PDZRN4: variants seen among roughly 807,000 people sequenced by gnomAD.
PDZRN4 encodes the protein PDZ domain containing ring finger 4.
In PDZRN4, 70 loss-of-function variants were observed where a neutral mutation model predicts 99.0. The ratio of observed to expected loss-of-function variants is 0.71; its 90% CI spans 0.58 to 0.86. The LOEUF is 0.86. Among genes scored for constraint, PDZRN4 ranks in the 40% least tolerant of loss-of-function variants. The pLI is 0.00. For missense variants in PDZRN4, 1,474 were observed against 1,331.2 expected, an observed-to-expected ratio of 1.11 and a Z score of -1.67; for synonymous variants, 551 against 501.6, an observed-to-expected ratio of 1.10 and a Z score of -1.32.
At chr12:41,516,751 G>A (rs1031499175) in intron 5 of PDZRN4, among the ~76,000 whole-genome samples, 1 of 151,312 alleles carries the variant, frequency 6.6e-6, no homozygotes, top group Non-Finnish European at 1.5e-5. Context: ...CTTGATGTAT[G>A]GCTCATTATG....
At chr12:41,428,542 G>C (rs538776232) in intron 3 of PDZRN4, among the ~76,000 whole-genome samples, 118 of 152,306 alleles carry the variant, frequency 7.7e-4, no homozygotes, top group Non-Finnish European at 1.5e-3. Flanking sequence ...AAAAGACAGA[G>C]TCATGTTAGC....
At chr12:41,438,337 C>T (rs746752577) in intron 3 of PDZRN4, among the ~76,000 whole-genome samples, 3 of 152,268 alleles carry the variant, frequency 2.0e-5, no homozygotes, top group Non-Finnish European at 2.9e-5. Context: ...ATACTGTTGA[C>T]ATTTGAAAAT....
In PDZRN4 at chr12:41,266,334, AAT is replaced by A. The variant is rs1435966548; in HGVS notation, c.843+72147_843+72148del. Among the ~76,000 whole-genome samples the A allele has an allele frequency of 8.0e-5, 12 of 150,520 alleles. 2 individuals carry two copies. The highest frequency in any genetic ancestry group is 2.9e-4 in the African/African-American group (12 of 40,778). ...TCAAAAAAAAAAAAAAAAAAAAAAA[AAT>A]GAGATATTAAAATCAATAAGTTAAT... On this transcript the variant is annotated intron_variant, in intron 3 of 9. Transcript: ENST00000402685.
intron 3 of PDZRN4, among the ~76,000 whole-genome samples, chr12:41,384,755 A>G (rs1413519084): frequency 6.6e-6 from 1 of 152,160 alleles, no homozygotes; most frequent in East Asian, 1.9e-4. Flanking sequence ...TGCATCTCCT[A>G]TTAACTCAAC....
At chr12:41,282,908 A>G (rs1451393606) in intron 3 of PDZRN4, among the ~76,000 whole-genome samples, 2 of 152,234 alleles carry the variant, frequency 1.3e-5, no homozygotes, top group African/African-American at 4.8e-5. Context: ...CTAAATGCCC[A>G]CAGGAGAAAG....
At chr12:41,517,256 G>A (rs893188156) in intron 5 of PDZRN4, among the ~76,000 whole-genome samples, 1 of 152,010 alleles carries the variant, frequency 6.6e-6, no homozygotes, top group Non-Finnish European at 1.5e-5. Context: ...TATTTTACCA[G>A]GGATCTAGAT....
At chr12:41,215,463 C>T (rs1281114396) in intron 3 of PDZRN4, among the ~76,000 whole-genome samples, 1 of 151,994 alleles carries the variant, frequency 6.6e-6, no homozygotes, top group African/African-American at 2.4e-5. Context: ...ATTTGAATAT[C>T]ACTTTTTAAA....
intron 7 of PDZRN4, among the ~76,000 whole-genome samples, chr12:41,558,259 G>A (rs1398156540): frequency 6.6e-6 from 1 of 152,190 alleles, no homozygotes; most frequent in African/African-American, 2.4e-5. Flanking sequence ...AAAATGCTCA[G>A]TGATTGGAAA....
Position 41,571,015 on chromosome 12 carries a change from A to G in PDZRN4, c.1585-1349A>G, listed in dbSNP as rs1939461564. ...AACAATTATCTAGAGAGACCTTTTT[A>G]GACTTCTTTTAGAATATCTTTTGTC... On this transcript the variant is annotated intron_variant, in intron 9 of 9. Transcript: ENST00000402685. 2.0e-5 allele frequency among the ~76,000 whole-genome samples: 3 copies of G among 152,124 alleles called. No individual in the cohort carries two copies. In the South Asian group the frequency reaches 6.2e-4, roughly 31 times the overall value.
intron 3 of PDZRN4, among the ~76,000 whole-genome samples, chr12:41,351,599 T>G: frequency 6.7e-6 from 1 of 149,854 alleles, no homozygotes. Flanking sequence ...AACGGGGAGG[T>G]GCTACACACT....
At chr12:41,422,126 A>G (rs1409138939) in intron 3 of PDZRN4, among the ~76,000 whole-genome samples, 1 of 152,124 alleles carries the variant, frequency 6.6e-6, no homozygotes, top group Admixed American at 6.6e-5. Flanking sequence ...TTTTGCTTTC[A>G]TTTGTAATTT....
intron 3 of PDZRN4, among the ~76,000 whole-genome samples, chr12:41,377,222 G>T (rs1262073773): frequency 1.3e-5 from 2 of 152,062 alleles, no homozygotes; most frequent in Admixed American, 6.6e-5. Flanking sequence ...GTCTTCTGTG[G>T]TTCCATATGA....
At chr12:41,468,183 A>G (rs1952948006) in intron 3 of PDZRN4, among the ~76,000 whole-genome samples, 1 of 152,204 alleles carries the variant, frequency 6.6e-6, no homozygotes, top group Admixed American at 6.5e-5. Context: ...GGATAATTTG[A>G]GAGAATATGC....
intron 3 of PDZRN4, among the ~76,000 whole-genome samples, chr12:41,316,456 ATGTGTGTGTGTGTGTGTG>A (rs71081722): frequency 3.5e-5 from 5 of 144,428 alleles, no homozygotes; most frequent in African/African-American, 5.1e-5. Context: ...AAAAAGGCAA[ATGTGTGTGTGTGTGTGTG>A]TGTGTGTGTG....
chr12:41,573,652 G>A lies in PDZRN4; in HGVS notation c.2873G>A (p.Arg958His). Reference protein sequence around the residue: ...QHLVRAKEQRRRREFMMRSRL... With the variant: ...QHLVRAKEQRHRREFMMRSRL... Reference sequence around the variant, plus strand: ...CTGGTTAGGGCCAAAGAGCAGCGCCGTCGCCGTGAGTTCATGATGCGAAGC... The same window carrying A: ...CTGGTTAGGGCCAAAGAGCAGCGCCATCGCCGTGAGTTCATGATGCGAAGC... The change falls in exon 10 of 10, where the codon CGT (arginine) becomes CAT (histidine). Residue 958 changes from arginine (R) to histidine (H), a missense_variant. By Grantham distance (29) the Arg-to-His change is conservative (BLOSUM62 0). Coordinates refer to ENST00000402685, the MANE Select transcript of PDZRN4 (RefSeq NM_001164595.2). 2 of 1,614,086 alleles carry A rather than the reference G, an allele frequency of 1.2e-6. No homozygotes were observed. The highest frequency in any genetic ancestry group is 1.7e-4 in the Middle Eastern group (1 of 6,060).
At chr12:41,495,887 G>T (rs557666391) in intron 3 of PDZRN4, among the ~76,000 whole-genome samples, 1 of 152,110 alleles carries the variant, frequency 6.6e-6, no homozygotes, top group South Asian at 2.1e-4. Flanking sequence ...CATCTCATCA[G>T]ACCCACCTCA....
intron 3 of PDZRN4, among the ~76,000 whole-genome samples, chr12:41,335,107 G>C (rs907179243): frequency 6.6e-6 from 1 of 152,022 alleles, no homozygotes. Flanking sequence ...TTAGGTGAAA[G>C]TCTACTGTTC....
At chr12:41,511,593 A>G (rs1938304821) in intron 5 of PDZRN4, among the ~76,000 whole-genome samples, 1 of 152,142 alleles carries the variant, frequency 6.6e-6, no homozygotes, top group Non-Finnish European at 1.5e-5. Flanking sequence ...CAATCATTAG[A>G]AAGGATGCAT....
intron 5 of PDZRN4, among the ~76,000 whole-genome samples, chr12:41,548,975 T>G (rs1304403461): frequency 6.6e-6 from 1 of 152,208 alleles, no homozygotes; most frequent in Non-Finnish European, 1.5e-5. Flanking sequence ...GTTTGATTTT[T>G]TTTAAAGAGA....
Sources: gnomAD v4.1 joint callset for allele counts (sites outside exome capture counted in the v4.1 genomes callset) on GRCh38, gnomAD v4.1.1 for gene constraint, MANE v1.5 for transcripts, NCBI Gene and HGNC (gene_info 2026-07-23, HGNC 2026-07-21) for gene names.